Variants in WDR19 observed in about 807,000 individuals in gnomAD.
WDR19 encodes WD repeat domain 19.
Under a neutral mutation model 180.0 loss-of-function variants are expected in WDR19, and 121 were observed. That is an observed-to-expected ratio of 0.67 (90% CI 0.58 to 0.78). The LOEUF is 0.78. Among genes scored for constraint, WDR19 ranks in the 30% least tolerant of loss-of-function variants. The pLI, the probability that WDR19 is intolerant of heterozygous loss-of-function variation, is 0.00. For missense variants in WDR19, 1,450 were observed against 1,640.7 expected, an observed-to-expected ratio of 0.88 and a Z score of 2.01; for synonymous variants, 497 against 540.7, an observed-to-expected ratio of 0.92 and a Z score of 1.12.
chr4:39,237,897 G>C (rs1270377242), intron 20 of WDR19: 1 of 152,158 alleles, frequency 6.6e-6, no homozygotes, highest in Non-Finnish European at 1.5e-5. Flanking sequence ...GGACCATCCA[G>C]AACTCTTCGA....
At chr4:39,239,228 G>A (rs542477782) in intron 20 of WDR19, among the ~76,000 whole-genome samples, 51 of 151,976 alleles carry the variant, frequency 3.4e-4, no homozygotes, top group Admixed American at 2.7e-3. Context: ...CGTGTGCCTC[G>A]GCCTCCCAAA....
At position 39,231,909 on chromosome 4, in the gene WDR19, C is replaced by T. The variant is rs886042728; in HGVS notation, c.2095C>T (p.Arg699Trp). 1.4e-5 allele frequency: 22 copies of T among 1,613,292 alleles called. No homozygotes were observed. Among genetic ancestry groups the T allele is most frequent in the East Asian group, 2.2e-5 (1 of 44,880 alleles). ...MEVEFAIRVY[R>W]RIGNVGIVMS... The stretch of plus-strand genomic sequence containing the variant: ...AGTGGAGTTTGCAATCCGTGTTTAT[C>T]GGAGAATTGGAAATGTTGGCATAGT... The change falls in exon 18 of 37, where the codon CGG (arginine) becomes TGG (tryptophan). Residue 699 changes from arginine to tryptophan, a missense_variant. Arg to Trp is a moderately radical substitution (Grantham distance 101). Transcript: ENST00000399820.
At chr4:39,195,836 T>A (rs1008604089) in intron 5 of WDR19, among the ~76,000 whole-genome samples, 3 of 152,230 alleles carry the variant, frequency 2.0e-5, no homozygotes, top group Non-Finnish European at 2.9e-5. Flanking sequence ...CTCTTTAATG[T>A]TAACATTAAT....
At chr4:39,228,023 T>G (rs750694341) in intron 15 of WDR19, among the ~76,000 whole-genome samples, 187 bp from the exon 16 acceptor site, 2 of 152,182 alleles carry the variant, frequency 1.3e-5, no homozygotes, top group Non-Finnish European at 2.9e-5. Context: ...TAACTATAGT[T>G]TTTTCAAGCC....
chr4:39,187,350 G>T (rs1476883239), intron 3 of WDR19, among the ~76,000 whole-genome samples: 1 of 151,248 alleles, frequency 6.6e-6, no homozygotes, highest in African/African-American at 2.4e-5. Flanking sequence ...AACCCGGAAG[G>T]TGGAGGTTGC....
At chr4:39,184,016 C>T (rs1282286710) in intron 1 of WDR19, among the ~76,000 whole-genome samples, 3 of 152,162 alleles carry the variant, frequency 2.0e-5, no homozygotes, top group South Asian at 2.1e-4. Flanking sequence ...AATATTCTTT[C>T]TTCATGAGTT....
rs754977857 is a variant in WDR19, at chr4:39,232,269, G to A, written c.2250G>A (p.Leu750=). 8 of 1,596,750 alleles carry A rather than the reference G, an allele frequency of 5.0e-6. No homozygotes were observed. The highest frequency in any genetic ancestry group is 6.8e-6 in the Non-Finnish European group (8 of 1,171,738). Residue 750 remains leucine (L), a synonymous_variant, in exon 19 of 37, where the codon CTG becomes CTA. Transcript: ENST00000399820. The part of the protein sequence containing the change: ...YLASSCPIAA[L]EMRRDLQHWD... ...CATCCAGCTGTCCTATTGCTGCCCT[G>A]GAGGTATGGCAGCAAGTAAGAATGG...
At chr4:39,184,422 A>G (rs938458058) in intron 1 of WDR19, among the ~76,000 whole-genome samples, 3 of 151,980 alleles carry the variant, frequency 2.0e-5, no homozygotes, top group African/African-American at 7.3e-5. Flanking sequence ...AAAAAAAATA[A>G]AAATAAAAAT....
At chr4:39,206,284 T>C (rs1283141468) in intron 9 of WDR19, among the ~76,000 whole-genome samples, 1 of 152,212 alleles carries the variant, frequency 6.6e-6, no homozygotes, top group African/African-American at 2.4e-5. Flanking sequence ...TGGTTTTCTT[T>C]TTCTTTTTTT....
At chr4:39,252,874 GA>G (rs571270099) in intron 24 of WDR19, among the ~76,000 whole-genome samples, 1 of 151,780 alleles carries the variant, frequency 6.6e-6, no homozygotes, top group African/African-American at 2.4e-5. Context: ...TACTTAAAAG[GA>G]AAAAAACAGT....
intron 20 of WDR19, among the ~76,000 whole-genome samples, chr4:39,235,518 C>T (rs1353809411): frequency 6.6e-6 from 1 of 152,144 alleles, no homozygotes; most frequent in Non-Finnish European, 1.5e-5. Flanking sequence ...GTTCTGACCT[C>T]CTTTAACACT....
intron 9 of WDR19, among the ~76,000 whole-genome samples, chr4:39,209,166 A>G (rs915314204): frequency 1.3e-5 from 2 of 152,234 alleles, no homozygotes; most frequent in African/African-American, 4.8e-5. Flanking sequence ...TTCTCTGACC[A>G]TAATGGAATC....
chr4:39,266,267 A>C (rs974335059), intron 29 of WDR19, 127 bp downstream of exon 29: 1 of 671,452 alleles, frequency 1.5e-6, no homozygotes, highest in Non-Finnish European at 2.3e-6. Flanking sequence ...AGTGTAGATC[A>C]TCTAGACCAG....
intron 32 of WDR19, chr4:39,273,600 T>C (rs1420917219): frequency 6.6e-6 from 1 of 152,652 alleles, no homozygotes; most frequent in African/African-American, 2.4e-5. Flanking sequence ...TTAGGCACGG[T>C]GAGCCACTCA....
chr4:39,196,503 C>T (rs1355963579), intron 5 of WDR19, among the ~76,000 whole-genome samples: 1 of 152,192 alleles, frequency 6.6e-6, no homozygotes, highest in Admixed American at 6.5e-5. Context: ...ACTAATTTGT[C>T]AGAAAATCTT....
intron 6 of WDR19, among the ~76,000 whole-genome samples, chr4:39,201,068 T>G (rs924297395): frequency 2.6e-5 from 4 of 151,970 alleles, no homozygotes; most frequent in Non-Finnish European, 4.4e-5. Flanking sequence ...TATGATAGTA[T>G]GGGTTGGGGT....
intron 10 of WDR19, among the ~76,000 whole-genome samples, chr4:39,215,204 T>G (rs527614415): frequency 6.6e-6 from 1 of 152,352 alleles, no homozygotes; most frequent in East Asian, 1.9e-4. Flanking sequence ...AATTTTATCC[T>G]AATTCTAATG....
chr4:39,252,571 T>A (rs753304619), intron 24 of WDR19, among the ~76,000 whole-genome samples: 12 of 151,888 alleles, frequency 7.9e-5, no homozygotes, highest in Admixed American at 1.3e-4. Context: ...CTATAGCCTC[T>A]GGAAATTAAC....
chr4:39,265,389 AG>A (rs1178186716), intron 28 of WDR19, among the ~76,000 whole-genome samples: 1 of 152,084 alleles, frequency 6.6e-6, no homozygotes, highest in Non-Finnish European at 1.5e-5. Context: ...GCCGCTGCAG[AG>A]GAGGGCCCCT....
Sources: allele counts gnomAD v4.1 joint callset (sites outside exome capture counted in the v4.1 genomes callset), GRCh38; gene constraint gnomAD v4.1.1; transcripts MANE v1.5; gene names NCBI Gene and HGNC (gene_info 2026-07-23, HGNC 2026-07-21).